The following TMEM106B variants were observed in gnomAD, a reference collection of about 807,000 sequenced individuals.
The protein encoded by TMEM106B is transmembrane protein 106B.
TMEM106B carries 15 observed loss-of-function variants against 31.1 expected under a neutral mutation model. That is an observed-to-expected ratio of 0.48 (90% CI 0.32 to 0.74). The LOEUF (loss-of-function observed/expected upper bound fraction) is 0.74, where lower values mean the gene tolerates loss of function less well. Ranked by LOEUF, TMEM106B falls within the 30% of genes least tolerant of loss-of-function variation. The pLI, the probability that TMEM106B is intolerant of heterozygous loss-of-function variation, is 0.03. For missense variants in TMEM106B, 283 were observed against 327.3 expected, an observed-to-expected ratio of 0.86 and a Z score of 1.04; for synonymous variants, 126 against 112.5, an observed-to-expected ratio of 1.12 and a Z score of -0.76.
At position 12,225,096 on chromosome 7, in the gene TMEM106B, C is replaced by G. The variant is rs1304955466; in HGVS notation, c.441+711C>G. On this transcript the variant is annotated intron_variant, in intron 4 of 7. Transcript: ENST00000396668. Reference sequence around the variant, plus strand: ...AGTATTCTCATTGTTCAATTCCCACCTATGAGTGAGAACACGTGGTGTTTG... The same window carrying G: ...AGTATTCTCATTGTTCAATTCCCACGTATGAGTGAGAACACGTGGTGTTTG... 3.9e-5 allele frequency among the ~76,000 whole-genome samples: 6 copies of G among 152,224 alleles called. No homozygotes were observed. The South Asian group carries it at 8.3e-4, about 21-fold the overall frequency.
chr7:12,225,698 C>A (rs2128526348), intron 4 of TMEM106B, among the ~76,000 whole-genome samples: 1 of 152,232 alleles, frequency 6.6e-6, no homozygotes, highest in South Asian at 2.1e-4. Context: ...ATATCCTTCG[C>A]CCACTTTTTG....
At chr7:12,227,102 A>AT (rs1236886418) in intron 4 of TMEM106B, among the ~76,000 whole-genome samples, 10 of 152,274 alleles carry the variant, frequency 6.6e-5, no homozygotes, top group African/African-American at 2.4e-4. Flanking sequence ...AAATTCTCAC[A>AT]TTTTGGAATA....
chr7:12,238,827 T>G lies in TMEM106B; in HGVS notation c.*6852T>G, dbSNP rs912500839. On this transcript the variant is annotated 3_prime_UTR_variant, in exon 8 of 8. Transcript: ENST00000396668. ...CAGTGAACCGTGTTGTAAACAGATG[T>G]CATATTATCCAGACTGTTCCATTTA... The G allele has an allele frequency of 2.6e-5, 4 of 152,134 alleles. No homozygotes were observed. Among genetic ancestry groups the G allele is most frequent in the African/African-American group, 9.7e-5 (4 of 41,444 alleles). The allele number at this position is 152,134 out of a possible 1,614,324, so 9.4% of individuals were successfully genotyped here.
At chr7:12,222,863 A>G (rs1006795389) in intron 3 of TMEM106B, among the ~76,000 whole-genome samples, 2 of 152,380 alleles carry the variant, frequency 1.3e-5, no homozygotes, top group Admixed American at 6.5e-5. Flanking sequence ...TATTTATAAA[A>G]TATCTGCAGG....
intron 2 of TMEM106B, among the ~76,000 whole-genome samples, chr7:12,217,307 G>A (rs1187605971): frequency 6.6e-6 from 1 of 152,176 alleles, no homozygotes; most frequent in African/African-American, 2.4e-5. Flanking sequence ...ATAGAAGCTT[G>A]TAGAAATTAT....
At chr7:12,215,776 G>T in intron 2 of TMEM106B, 1 of 179,402 alleles carries the variant, frequency 5.6e-6, no homozygotes. Context: ...GTGCCCTAAT[G>T]AGTTAAAGAA....
chr7:12,226,730 GCTTT>G (rs2128526588), intron 4 of TMEM106B, among the ~76,000 whole-genome samples: 1 of 152,108 alleles, frequency 6.6e-6, no homozygotes, highest in Admixed American at 6.6e-5. Context: ...TATTCTTATT[GCTTT>G]CTGTCAAAAG....
chr7:12,233,726 A>G lies in TMEM106B; in HGVS notation c.*1751A>G, dbSNP rs185532626. The G allele has an allele frequency of 3.3e-5, 5 of 151,310 alleles. No homozygotes were observed. The highest frequency in any genetic ancestry group is 4.4e-5 in the Non-Finnish European group (3 of 67,576). The allele number at this position is 151,310 out of a possible 1,614,324, so 9.4% of individuals were successfully genotyped here. ...TTTTCTTCTGCTACGTTTCCTGACT[A>G]CTACTGCATACTTCTCTGATACAGG... is the stretch of plus-strand genomic sequence containing the variant. On this transcript the variant is annotated 3_prime_UTR_variant, in exon 8 of 8. Transcript: ENST00000396668.
chr7:12,212,778 C>T (rs1046902827), intron 1 of TMEM106B, among the ~76,000 whole-genome samples: 10 of 152,022 alleles, frequency 6.6e-5, no homozygotes, highest in Non-Finnish European at 1.3e-4. Flanking sequence ...CATGCCAGTT[C>T]TAGAAAGTAA....
At chr7:12,230,511 A>G (rs1781999139) in intron 6 of TMEM106B, 73 bp downstream of exon 6, 2 of 1,040,536 alleles carry the variant, frequency 1.9e-6, no homozygotes, top group Non-Finnish European at 2.8e-6. Flanking sequence ...AAGAGTATAC[A>G]TATTTTTTAA....
Position 12,238,996 on chromosome 7 carries a change from A to T in TMEM106B, c.*7021A>T, listed in dbSNP as rs1428595124. Reference sequence around the variant, plus strand: ...GTCCTTTAAAGCTTTAAAGGCAAGCATTGACTTCTCTTTAGCTATGAAAGT... The same window carrying T: ...GTCCTTTAAAGCTTTAAAGGCAAGCTTTGACTTCTCTTTAGCTATGAAAGT... On this transcript the variant is annotated 3_prime_UTR_variant, in exon 8 of 8. Transcript: ENST00000396668. 1 of 152,144 alleles carries T rather than the reference A, an allele frequency of 6.6e-6. No individual in the cohort carries two copies. Among genetic ancestry groups the T allele is most frequent in the East Asian group, 1.9e-4 (1 of 5,196 alleles). The allele number at this position is 152,144 out of a possible 1,614,324, so 9.4% of individuals were successfully genotyped here.
rs976306121 is a variant in TMEM106B, at chr7:12,235,225, T to C, written c.*3250T>C. 1.3e-5 allele frequency: 2 copies of C among 152,130 alleles called. No individual in the cohort carries two copies. The highest frequency in any genetic ancestry group is 4.8e-5 in the African/African-American group (2 of 41,244). The allele number at this position is 152,130 out of a possible 1,614,324, so 9.4% of individuals were successfully genotyped here. ...TACCCCTTCATCATTCCAATAAAGA[T>C]AAGACTGATCCATTGTCTAAGGAAA... On this transcript the variant is annotated 3_prime_UTR_variant, in exon 8 of 8. Coordinates refer to ENST00000396668, the MANE Select transcript of TMEM106B (RefSeq NM_001134232.2).
At chr7:12,218,372 G>C in intron 2 of TMEM106B, 86 bp from the exon 3 acceptor site, 1 of 1,083,374 alleles carries the variant, frequency 9.2e-7, no homozygotes, top group Non-Finnish European at 1.4e-6. Context: ...ATGATATTCT[G>C]GTCTTTCCAA....
At chr7:12,218,615 A>C in intron 3 of TMEM106B, 94 bp downstream of exon 3, 16 of 1,013,684 alleles carry the variant, frequency 1.6e-5, no homozygotes, top group Non-Finnish European at 1.4e-6. Flanking sequence ...AAAACTATTA[A>C]AAGAAAAAAT....
Position 12,240,881 on chromosome 7 carries a change from C to G in TMEM106B, c.*8906C>G, listed in dbSNP as rs1386176813. 1.3e-5 allele frequency: 2 copies of G among 152,148 alleles called. No individual in the cohort carries two copies. The highest frequency in any genetic ancestry group is 2.9e-5 in the Non-Finnish European group (2 of 68,034). 9.4% of individuals were successfully genotyped at this position (152,148 alleles called of 1,614,324 possible). A position where few individuals can be genotyped will look rare whatever the true frequency, so the allele number is the denominator to read the frequency against. ...GAACATTGGCCTAGAGGGTAGTGTA[C>G]AGTCACTTCTTCAGTGATAACTTAC... On this transcript the variant is annotated 3_prime_UTR_variant, in exon 8 of 8. Transcript: ENST00000396668.
rs1782194728 is a variant in TMEM106B at position 12,239,064 on chromosome 7, A to C, written c.*7089A>C. On this transcript the variant is annotated 3_prime_UTR_variant, in exon 8 of 8. Coordinates refer to ENST00000396668, the MANE Select transcript of TMEM106B (RefSeq NM_001134232.2). ...TGTAAAAGAAGGTTGTTTTATCTAC[A>C]TTGAAAATATATTGTTCATTGTAAC... 1 of 152,190 alleles carries C rather than the reference A, an allele frequency of 6.6e-6. No individual in the cohort carries two copies. The highest frequency in any genetic ancestry group is 2.4e-5 in the African/African-American group (1 of 41,448). The allele number at this position is 152,190 out of a possible 1,614,324, so 9.4% of individuals were successfully genotyped here.
At chr7:12,213,401 A>C (rs752134325) in intron 1 of TMEM106B, among the ~76,000 whole-genome samples, 218 of 152,212 alleles carry the variant, frequency 1.4e-3, no homozygotes, top group Admixed American at 4.3e-3. Context: ...GATTGTATTT[A>C]TCACAAAGGT....
chr7:12,240,016 C>T lies in TMEM106B; in HGVS notation c.*8041C>T, dbSNP rs1241769473. ...ATCTGCAAAACGCAATAAGGTGATG[C>T]ACAATAAAAGGAAGTATATCTGCAC... On this transcript the variant is annotated 3_prime_UTR_variant, in exon 8 of 8. Coordinates refer to ENST00000396668, the MANE Select transcript of TMEM106B (RefSeq NM_001134232.2). 6.6e-6 allele frequency: 1 copy of T among 151,236 alleles called. No homozygotes were observed. Among genetic ancestry groups the T allele is most frequent in the Non-Finnish European group, 1.5e-5 (1 of 67,858 alleles). 9.4% of individuals were successfully genotyped at this position (151,236 alleles called of 1,614,324 possible). A position where few individuals can be genotyped will look rare whatever the true frequency, so the allele number is the denominator to read the frequency against.
intron 6 of TMEM106B, 141 bp from the exon 7 acceptor site, chr7:12,230,921 T>C: frequency 1.9e-6 from 1 of 525,176 alleles, no homozygotes; most frequent in Non-Finnish European, 3.2e-6. Flanking sequence ...ATATCAGTCA[T>C]TGTTTGAAGT....
Sources: allele counts gnomAD v4.1 joint callset (sites outside exome capture counted in the v4.1 genomes callset), GRCh38; gene constraint gnomAD v4.1.1; transcripts MANE v1.5; gene names NCBI Gene and HGNC (gene_info 2026-07-23, HGNC 2026-07-21).